Variants in APBB2 observed in about 807,000 individuals in gnomAD.
APBB2 encodes the protein Fe65-like 1.
Under a neutral mutation model 82.5 loss-of-function variants are expected in APBB2, and 38 were observed. The ratio of observed to expected loss-of-function variants is 0.46; its 90% CI spans 0.36 to 0.60. The LOEUF is 0.60. Among genes scored for constraint, APBB2 ranks in the 20% least tolerant of loss-of-function variants. The pLI, the probability that APBB2 is intolerant of heterozygous loss-of-function variation, is 0.00. For synonymous variants in APBB2, 341 were observed against 368.2 expected (o/e 0.93, Z 0.85); for missense variants, 772 against 972.3 (o/e 0.79, Z 2.74).
intron 12 of APBB2, among the ~76,000 whole-genome samples, chr4:40,841,594 C>G (rs1755828760): frequency 6.6e-6 from 1 of 152,050 alleles, no homozygotes; most frequent in Non-Finnish European, 1.5e-5. Flanking sequence ...TGAATCAGTG[C>G]TTCTGGCTAG....
intron 1 of APBB2, among the ~76,000 whole-genome samples, chr4:41,195,547 C>T: frequency 6.6e-6 from 1 of 152,216 alleles, no homozygotes; most frequent in African/African-American, 2.4e-5. Flanking sequence ...TGATCCACCT[C>T]AGCACCCCTA....
At chr4:41,181,710 C>A (rs1771408807) in intron 1 of APBB2, among the ~76,000 whole-genome samples, 1 of 152,040 alleles carries the variant, frequency 6.6e-6, no homozygotes, top group Non-Finnish European at 1.5e-5. Flanking sequence ...CTTTGGGAGG[C>A]CGAGGAGAGT....
chr4:40,840,539 C>T (rs1755451104), intron 12 of APBB2, among the ~76,000 whole-genome samples: 1 of 152,198 alleles, frequency 6.6e-6, no homozygotes, highest in South Asian at 2.1e-4. Context: ...CACATGCAGG[C>T]ATCACTAATT....
At chr4:40,972,193 C>A (rs1478194851) in intron 6 of APBB2, among the ~76,000 whole-genome samples, 3 of 151,980 alleles carry the variant, frequency 2.0e-5, no homozygotes, top group African/African-American at 7.2e-5. Context: ...CTTTGGGAGG[C>A]CGAGGTGGGT....
intron 3 of APBB2, among the ~76,000 whole-genome samples, chr4:41,095,057 G>C (rs189569494): frequency 3.3e-5 from 5 of 152,308 alleles, no homozygotes; most frequent in Non-Finnish European, 7.4e-5. Flanking sequence ...TATTAAAGGA[G>C]TGAAACAGAA....
intron 3 of APBB2, among the ~76,000 whole-genome samples, chr4:41,083,686 CAAAAAAAAAA>C (rs3058169): frequency 3.1e-4 from 21 of 68,066 alleles, no homozygotes; most frequent in South Asian, 2.3e-3. Flanking sequence ...GACTCTGTCT[CAAAAAAAAAA>C]AAAAAAAAAA....
intron 12 of APBB2, among the ~76,000 whole-genome samples, chr4:40,862,787 C>T (rs997130745): frequency 2.8e-5 from 4 of 145,354 alleles, no homozygotes; most frequent in Admixed American, 7.0e-5. Flanking sequence ...TGAACCTGTG[C>T]GGCAGAAGTT....
At chr4:40,862,215 G>A (rs542457511) in intron 12 of APBB2, among the ~76,000 whole-genome samples, 1 of 152,298 alleles carries the variant, frequency 6.6e-6, no homozygotes, top group Admixed American at 6.5e-5. Context: ...AAAGTCACAG[G>A]ACTGTTAGGA....
intron 12 of APBB2, 95 bp downstream of exon 12, chr4:40,890,269 C>T (rs1279332126): frequency 1.9e-5 from 28 of 1,471,438 alleles, no homozygotes; most frequent in South Asian, 4.1e-5. Context: ...ACATGAGTTT[C>T]GTATTCCGTG....
chr4:41,157,713 C>A (rs145341243), intron 1 of APBB2, among the ~76,000 whole-genome samples: 36 of 152,230 alleles, frequency 2.4e-4, no homozygotes, highest in African/African-American at 8.7e-4. Flanking sequence ...CGACTCCAGG[C>A]CGCGCAGTGG....
chr4:40,824,314 C>G (rs1008129883), intron 15 of APBB2, among the ~76,000 whole-genome samples: 1 of 152,208 alleles, frequency 6.6e-6, no homozygotes, highest in African/African-American at 2.4e-5. Flanking sequence ...TTGATGGCAC[C>G]TTTACAGTGG....
chr4:40,999,231 A>T (rs1804471890), intron 6 of APBB2, among the ~76,000 whole-genome samples: 1 of 152,178 alleles, frequency 6.6e-6, no homozygotes, highest in Non-Finnish European at 1.5e-5. Flanking sequence ...GCTTGAGCTC[A>T]GGAGTTCGAA....
intron 2 of APBB2, among the ~76,000 whole-genome samples, chr4:41,101,728 G>A (rs1745518892): frequency 6.6e-6 from 1 of 152,032 alleles, no homozygotes; most frequent in Non-Finnish European, 1.5e-5. Flanking sequence ...GGGAGGCCCA[G>A]GCGGGCGGAT....
Position 41,049,360 on chromosome 4 carries a change from G to C in APBB2, c.-50-16056C>G, listed in dbSNP as rs1411445888. 6.8e-5 allele frequency among the ~76,000 whole-genome samples: 10 copies of C among 147,304 alleles called. 1 individual carries two copies. The highest frequency in any genetic ancestry group is 1.3e-4 in the Non-Finnish European group (9 of 66,956). ...AGCGTCTCCGACCGGCAGCCGCCCC[G>C]TCCGGGAGGTGGGGGGTCAGCCCCC... On this transcript the variant is annotated intron_variant, in intron 4 of 17. Coordinates refer to ENST00000508593, the MANE Select transcript of APBB2 (RefSeq NM_004307.2).
intron 1 of APBB2, among the ~76,000 whole-genome samples, chr4:41,159,898 A>AAGAAGG (rs774287403): frequency 3.9e-5 from 3 of 76,112 alleles, no homozygotes; most frequent in African/African-American, 1.4e-4. Context: ...AAAAAGGAAG[A>AAGAAGG]AGAAGGAGAA....
At chr4:40,974,010 C>T (rs1387855624) in intron 6 of APBB2, among the ~76,000 whole-genome samples, 1 of 152,018 alleles carries the variant, frequency 6.6e-6, no homozygotes, top group Non-Finnish European at 1.5e-5. Flanking sequence ...CGCCACCACA[C>T]CTGGCTAATT....
rs550991925 is a variant in APBB2 at position 41,013,290 on chromosome 4, T to C, written c.835+293A>G. Among the ~76,000 whole-genome samples, 4 of 152,292 alleles carry C rather than the reference T, an allele frequency of 2.6e-5. No individual in the cohort carries two copies. In the East Asian group the frequency reaches 7.7e-4, roughly 29 times the overall value. On this transcript the variant is annotated intron_variant, in intron 6 of 17. Coordinates refer to ENST00000508593, the MANE Select transcript of APBB2 (RefSeq NM_004307.2). Reference sequence around the variant, plus strand: ...AAATGATCTACCTATGCACTGGAAGTGTAATTTCTAAATATATGATATTTT... The same window carrying C: ...AAATGATCTACCTATGCACTGGAAGCGTAATTTCTAAATATATGATATTTT...
At chr4:41,178,850 G>T (rs1380090964) in intron 1 of APBB2, among the ~76,000 whole-genome samples, 1 of 152,220 alleles carries the variant, frequency 6.6e-6, no homozygotes, top group East Asian at 1.9e-4. Flanking sequence ...CTGCTGCCTG[G>T]GTTAAATCCA....
At chr4:40,895,568 T>C (rs1381071342) in intron 10 of APBB2, among the ~76,000 whole-genome samples, 4 of 152,188 alleles carry the variant, frequency 2.6e-5, no homozygotes, top group Non-Finnish European at 4.4e-5. Flanking sequence ...GGTGGATGTG[T>C]TGGATATTCC....
Sources: gnomAD v4.1 joint callset for allele counts (sites outside exome capture counted in the v4.1 genomes callset) on GRCh38, gnomAD v4.1.1 for gene constraint, MANE v1.5 for transcripts, NCBI Gene and HGNC (gene_info 2026-07-23, HGNC 2026-07-21) for gene names.